Variants in PTPRN2 observed in about 807,000 individuals in gnomAD.
PTPRN2 encodes protein tyrosine phosphatase receptor type N2.
A neutral mutation model predicts 118.8 loss-of-function variants in PTPRN2; 74 were observed. The ratio of observed to expected loss-of-function variants is 0.62; its 90% CI spans 0.52 to 0.76. PTPRN2 has a LOEUF of 0.76. PTPRN2 is among the 30% of genes least tolerant of loss of function. The pLI is 0.00. For synonymous variants in PTPRN2, 641 were observed against 608.0 expected (o/e 1.05, Z -0.80); for missense variants, 1,481 against 1,394.4 (o/e 1.06, Z -0.99).
At chr7:158,485,801 A>G (rs2129445178) in intron 2 of PTPRN2, among the ~76,000 whole-genome samples, 1 of 152,316 alleles carries the variant, frequency 6.6e-6, no homozygotes, top group East Asian at 1.9e-4. Flanking sequence ...ACCCAGAGAG[A>G]GCCACTATTC....
rs1287778094 is a variant in PTPRN2 at position 157,611,149 on chromosome 7, G to A, written c.2345-7074C>T. On this transcript the variant is annotated intron_variant, in intron 15 of 22. Coordinates refer to ENST00000389418, the MANE Select transcript of PTPRN2 (RefSeq NM_002847.5). This position sits in a 1 kb window ranked among gnomAD's most constrained non-coding sequence, Gnocchi z 5.9. ...AAGCAGGTCCCAGAGGAGCAACAGT[G>A]GCCCCAAATGGCATGGTCACAAGGC... is the stretch of plus-strand genomic sequence containing the variant. 6.6e-6 allele frequency among the ~76,000 whole-genome samples: 1 copy of A among 152,192 alleles called. No homozygotes were observed. The highest frequency in any genetic ancestry group is 1.5e-5 in the Non-Finnish European group (1 of 68,042).
chr7:158,501,472 C>T (rs186544576), intron 1 of PTPRN2, among the ~76,000 whole-genome samples: 20 of 152,274 alleles, frequency 1.3e-4, no homozygotes, highest in African/African-American at 4.6e-4. Flanking sequence ...GCTGGGAAGC[C>T]CTGTTCCCAT....
rs1320122527 is a variant in PTPRN2 at position 158,544,364 on chromosome 7, G to A, written c.112+43194C>T. 1.3e-5 allele frequency among the ~76,000 whole-genome samples: 2 copies of A among 151,984 alleles called. No homozygotes were observed. The highest frequency in any genetic ancestry group is 6.6e-5 in the Admixed American group (1 of 15,236). ...ATTATGAGATTTTTTGGCCGGGTGC[G>A]GTGGCTCATGCCTGTAATCCCAGCA... is the stretch of plus-strand genomic sequence containing the variant. On this transcript the variant is annotated intron_variant, in intron 1 of 22. Transcript: ENST00000389418. This position sits in a 1 kb window ranked among gnomAD's most constrained non-coding sequence, Gnocchi z 4.2.
chr7:158,201,060 T>TG (rs1383428437), intron 4 of PTPRN2, among the ~76,000 whole-genome samples: 2 of 151,508 alleles, frequency 1.3e-5, no homozygotes, highest in African/African-American at 2.4e-5. Context: ...AAAAGTGGTT[T>TG]TTTTTTTTTG....
At chr7:157,555,549 G>C (rs957033854) in intron 21 of PTPRN2, among the ~76,000 whole-genome samples, 2 of 152,228 alleles carry the variant, frequency 1.3e-5, no homozygotes, top group Non-Finnish European at 2.9e-5. Flanking sequence ...GTGCCGGGAG[G>C]GCCATCGTCG....
chr7:158,411,917 T>C (rs1455144527), intron 2 of PTPRN2, among the ~76,000 whole-genome samples: 2 of 151,956 alleles, frequency 1.3e-5, no homozygotes, highest in South Asian at 2.1e-4. Context: ...GCTGAGAACA[T>C]GCGTGGGCCA....
chr7:158,398,318 G>A lies in PTPRN2; in HGVS notation c.164-81386C>T, dbSNP rs1812683854. On this transcript the variant is annotated intron_variant, in intron 2 of 22. Coordinates refer to ENST00000389418, the MANE Select transcript of PTPRN2 (RefSeq NM_002847.5). ...ATTATCCCACTAGACACTGAAAACG[G>A]TCCCCTTTCCTGGGTTGTGTTGCTG... Among the ~76,000 whole-genome samples, 5 of 152,176 alleles carry A rather than the reference G, an allele frequency of 3.3e-5. No individual in the cohort carries two copies. In the South Asian group the frequency reaches 8.3e-4, roughly 25 times the overall value.
intron 1 of PTPRN2, among the ~76,000 whole-genome samples, chr7:158,515,786 G>A (rs532987272): frequency 7.9e-5 from 12 of 152,122 alleles, no homozygotes; most frequent in Middle Eastern, 3.4e-3. Context: ...AAATACCAGC[G>A]TCTACCAAAT....
intron 12 of PTPRN2, among the ~76,000 whole-genome samples, chr7:157,850,912 A>G (rs1201523044): frequency 6.6e-6 from 1 of 152,234 alleles, no homozygotes; most frequent in Non-Finnish European, 1.5e-5. Flanking sequence ...TGCTTTGCAC[A>G]TTAGGATTTT....
At chr7:158,569,279 G>A (rs1318844659) in intron 1 of PTPRN2, among the ~76,000 whole-genome samples, 1 of 147,442 alleles carries the variant, frequency 6.8e-6, no homozygotes, top group Non-Finnish European at 1.5e-5. Context: ...GGGAGGCCCC[G>A]TGTCCCTGAG....
chr7:157,612,861 C>G (rs986990939), intron 15 of PTPRN2, among the ~76,000 whole-genome samples: 2 of 152,176 alleles, frequency 1.3e-5, no homozygotes, highest in Non-Finnish European at 2.9e-5. Flanking sequence ...AGCGGGGAAG[C>G]GGGTGGGAGC....
rs772044419 is a variant in PTPRN2 at position 158,192,371 on chromosome 7, C to G, written c.505G>C (p.Val169Leu). 1 of 1,526,178 alleles carries G rather than the reference C, an allele frequency of 6.6e-7. No individual in the cohort carries two copies. Among genetic ancestry groups the G allele is most frequent in the African/African-American group, 1.5e-5 (1 of 68,698 alleles). The allele number at this position is 1,526,178 out of a possible 1,614,324, so 94.5% of individuals were successfully genotyped here. The change falls in exon 5 of 23, where the codon GTG becomes CTG. Residue 169 changes from valine to leucine, a missense_variant. Physicochemically the swap from Val to Leu is conservative, Grantham distance 32. Transcript: ENST00000389418. ...TGCGCCGTATGGGTCCTGGCGAGCA[C>G]GTCTGAGGCTGGGGCCTGGGACAGG... is the stretch of plus-strand genomic sequence containing the variant. Reference protein sequence around the residue: ...EALSQAPASDVLARTHTAQDR... With the variant: ...EALSQAPASDLLARTHTAQDR...
At chr7:157,931,759 G>A (rs1421015778) in intron 11 of PTPRN2, among the ~76,000 whole-genome samples, 1 of 152,082 alleles carries the variant, frequency 6.6e-6, no homozygotes, top group African/African-American at 2.4e-5. Flanking sequence ...GCTTAGCATA[G>A]ACTGCGGTCT....
intron 12 of PTPRN2, among the ~76,000 whole-genome samples, chr7:157,840,464 CTGTG>C (rs1808338129): frequency 6.6e-6 from 1 of 151,242 alleles, no homozygotes; most frequent in African/African-American, 2.4e-5. Context: ...CCGCGTGTGA[CTGTG>C]TGGCCACGTG....
chr7:158,343,206 A>C (rs188586181), intron 2 of PTPRN2, among the ~76,000 whole-genome samples: 39 of 152,202 alleles, frequency 2.6e-4, no homozygotes, highest in African/African-American at 8.4e-4. Context: ...CAACTCGACA[A>C]CAACAACAAA....
rs578224325 is a variant in PTPRN2, at chr7:157,746,538, G to A, written c.1789-63601C>T. On this transcript the variant is annotated intron_variant, in intron 12 of 22. Coordinates refer to ENST00000389418, the MANE Select transcript of PTPRN2 (RefSeq NM_002847.5). ...CACACGGGGCCCTGAGTGTGATCAC[G>A]GGACTCCCTACACCCCACAGTCCTC... is the stretch of plus-strand genomic sequence containing the variant. 4.8e-4 allele frequency among the ~76,000 whole-genome samples: 71 copies of A among 147,618 alleles called. 1 individual carries two copies. In the South Asian group the frequency reaches 0.013, roughly 27 times the overall value.
chr7:158,165,419 C>T (rs189537995), intron 6 of PTPRN2, among the ~76,000 whole-genome samples: 63 of 152,378 alleles, frequency 4.1e-4, no homozygotes, highest in Middle Eastern at 3.4e-3. Context: ...CGGCCTCCTC[C>T]GCCGTCCTTC....
At chr7:157,835,292 G>A (rs531628541) in intron 12 of PTPRN2, among the ~76,000 whole-genome samples, 1 of 152,282 alleles carries the variant, frequency 6.6e-6, no homozygotes, top group South Asian at 2.1e-4. Flanking sequence ...GAAAAACAGG[G>A]TGTCATAAAA....
At chr7:158,255,718 G>A (rs2150907476) in intron 3 of PTPRN2, among the ~76,000 whole-genome samples, 1 of 151,642 alleles carries the variant, frequency 6.6e-6, no homozygotes, top group East Asian at 2.0e-4. Context: ...CCCTTGCACT[G>A]GGCCCTGACC....
Sources: gnomAD v4.1 joint callset for allele counts (sites outside exome capture counted in the v4.1 genomes callset) on GRCh38, gnomAD v4.1.1 for gene constraint, Gnocchi (gnomAD v3.1) non-coding constraint, MANE v1.5 for transcripts, NCBI Gene and HGNC (gene_info 2026-07-23, HGNC 2026-07-21) for gene names.